PARG: variants seen among roughly 807,000 people sequenced by gnomAD.
PARG encodes mitochondrial poly(ADP-ribose) glycohydrolase.
Under a neutral mutation model 113.0 loss-of-function variants are expected in PARG, and 35 were observed. The ratio of observed to expected loss-of-function variants is 0.31; its 90% CI spans 0.24 to 0.41. The LOEUF is 0.41. Ranked by LOEUF, PARG falls within the 10% of genes least tolerant of loss-of-function variation. The pLI is 1.00. For missense variants in PARG, 797 were observed against 1,169.4 expected (o/e 0.68, Z 4.64); for synonymous variants, 330 against 409.9 (o/e 0.81, Z 2.36).
Position 49,857,472 on chromosome 10 carries a change from A to C in PARG, c.2206-19T>G. The C allele has an allele frequency of 6.2e-7, 1 of 1,606,816 alleles. No individual in the cohort carries two copies. The highest frequency in any genetic ancestry group is 1.1e-5 in the South Asian group (1 of 90,164). On this transcript the variant is annotated intron_variant, in intron 12 of 17. Coordinates refer to ENST00000616448, the MANE Select transcript of PARG (RefSeq NM_003631.5). ...AATCCACCTGTTGGGGAAATGTGAC[A>C]TATTAAATAATGGTCAAAAATACCT...
chr10:49,936,654 G>A (rs1229439681), intron 1 of PARG, among the ~76,000 whole-genome samples: 1 of 152,078 alleles, frequency 6.6e-6, no homozygotes, highest in Non-Finnish European at 1.5e-5. Context: ...ATTCGCAAAT[G>A]TTTAAGATTT....
intron 7 of PARG, among the ~76,000 whole-genome samples, chr10:49,915,224 A>G (rs1366692770): frequency 1.3e-5 from 2 of 151,686 alleles, no homozygotes; most frequent in African/African-American, 2.4e-5. Flanking sequence ...AATATTTGCA[A>G]GTCATATATC....
intron 7 of PARG, among the ~76,000 whole-genome samples, chr10:49,895,705 C>T (rs1196409689): frequency 2.0e-5 from 3 of 151,990 alleles, no homozygotes; most frequent in Non-Finnish European, 4.4e-5. Flanking sequence ...CGCGCCCGGC[C>T]GAGAACTGAT....
intron 7 of PARG, among the ~76,000 whole-genome samples, chr10:49,893,818 C>T (rs377367553): frequency 7.9e-5 from 12 of 151,964 alleles, no homozygotes; most frequent in Admixed American, 3.9e-4. Flanking sequence ...CTCAGGCTCC[C>T]GAGCAGCTGT....
intron 16 of PARG, among the ~76,000 whole-genome samples, chr10:49,828,158 G>A (rs1354362292): frequency 5.7e-5 from 7 of 121,910 alleles, no homozygotes; most frequent in Non-Finnish European, 1.2e-4. Context: ...AAGCCCAAAT[G>A]TTGTAATCTA....
chr10:49,897,100 T>TTATCCTACTTTATCCAAACAGTA (rs1156733871), intron 7 of PARG, among the ~76,000 whole-genome samples: 2 of 152,212 alleles, frequency 1.3e-5, no homozygotes, highest in African/African-American at 4.8e-5. Flanking sequence ...TCCTTTCTGT[T>TTATCCTACTTTATCCAAACAGTA]GCTTGTTTGC....
chr10:49,891,631 T>A (rs1167446893), intron 7 of PARG, among the ~76,000 whole-genome samples: 140 of 115,252 alleles, frequency 1.2e-3, no homozygotes, highest in Admixed American at 3.2e-3. Flanking sequence ...ATATTTTTTT[T>A]TTTTTTTTTT....
chr10:49,842,177 G>A, intron 14 of PARG, 119 bp from the exon 15 acceptor site: 1 of 669,608 alleles, frequency 1.5e-6, no homozygotes, highest in South Asian at 1.7e-5. Context: ...ACAAACCAGT[G>A]TCTGCAGGTC....
chr10:49,880,717 A>G (rs1489744333), intron 8 of PARG, among the ~76,000 whole-genome samples: 1 of 152,122 alleles, frequency 6.6e-6, no homozygotes, highest in Non-Finnish European at 1.5e-5. Context: ...GACACGCCTC[A>G]TTATATGCTC....
chr10:49,862,870 A>G (rs1419114611), intron 11 of PARG, among the ~76,000 whole-genome samples: 1 of 150,908 alleles, frequency 6.6e-6, no homozygotes, highest in Non-Finnish European at 1.5e-5. Context: ...TTTCCTAGCC[A>G]TTTTATTCAG....
intron 16 of PARG, among the ~76,000 whole-genome samples, chr10:49,822,707 A>G (rs1301798659): frequency 3.3e-5 from 5 of 152,130 alleles, no homozygotes; most frequent in African/African-American, 1.2e-4. Context: ...AAAATCCTCA[A>G]CTCTGCAGTG....
At chr10:49,841,420 T>G (rs1475708136) in intron 15 of PARG, among the ~76,000 whole-genome samples, 2 of 152,120 alleles carry the variant, frequency 1.3e-5, no homozygotes, top group East Asian at 3.9e-4. Context: ...TACTGAAAAT[T>G]TGAACAACAG....
In PARG at chr10:49,892,862, AC is replaced by A. The variant is rs1279468774; in HGVS notation, c.1738-7568del. On this transcript the variant is annotated intron_variant, in intron 7 of 17. Transcript: ENST00000616448. ...TTTAGGAGGCCAAGCCAAGTGGATC[AC>A]TTGAGGTCAGGAGTTCAAGACCAGC... Among the ~76,000 whole-genome samples the A allele has an allele frequency of 2.0e-5, 3 of 152,204 alleles. No individual in the cohort carries two copies. The East Asian group carries it at 5.8e-4, about 29-fold the overall frequency.
At chr10:49,920,530 GTA>G (rs1331977118) in intron 6 of PARG, among the ~76,000 whole-genome samples, 2 of 78,110 alleles carry the variant, frequency 2.6e-5, no homozygotes, top group Non-Finnish European at 5.5e-5. Context: ...GTATATACAT[GTA>G]TATATATACA....
chr10:49,927,376 A>AGG (rs1554850884), intron 4 of PARG, among the ~76,000 whole-genome samples: 1 of 41,458 alleles, frequency 2.4e-5, no homozygotes, highest in Non-Finnish European at 9.0e-5. Context: ...GAAGGAAAGA[A>AGG]AGAAAGAAAG....
At chr10:49,882,405 G>A (rs1356539708) in intron 8 of PARG, among the ~76,000 whole-genome samples, 8 of 151,316 alleles carry the variant, frequency 5.3e-5, no homozygotes, top group East Asian at 1.9e-4. Flanking sequence ...GCCACAAGAC[G>A]TATTTTGATC....
chr10:49,940,173 C>T (rs1425197145), intron 1 of PARG, among the ~76,000 whole-genome samples: 1 of 151,546 alleles, frequency 6.6e-6, no homozygotes, highest in Non-Finnish European at 1.5e-5. Context: ...TTTCATGAAT[C>T]CATCCCCTTC....
intron 13 of PARG, among the ~76,000 whole-genome samples, chr10:49,845,480 G>A (rs1845462103): frequency 6.6e-6 from 1 of 152,200 alleles, no homozygotes. Flanking sequence ...GGAACTCTCA[G>A]GCATGGGTGA....
chr10:49,933,516 T>A lies in PARG; in HGVS notation c.932A>T (p.Asn311Ile), dbSNP rs1442282901. The A allele has an allele frequency of 6.2e-7, 1 of 1,610,602 alleles. No homozygotes were observed. Among genetic ancestry groups the A allele is most frequent in the Non-Finnish European group, 8.5e-7 (1 of 1,177,092 alleles). ...ESPMDVDNSKNSCQDSEADEE... is the reference protein window; with the variant it reads ...ESPMDVDNSKISCQDSEADEE... Reference sequence around the variant, plus strand: ...ATCTGCTTCTGAGTCTTGACAACTATTTTTAGAATTATCCACATCCATCGG... The same window carrying A: ...ATCTGCTTCTGAGTCTTGACAACTAATTTTAGAATTATCCACATCCATCGG... The change falls in exon 3 of 18, where the codon AAT (asparagine) becomes ATT (isoleucine). Residue 311 changes from asparagine (N) to isoleucine (I), a missense_variant. By Grantham distance (149) the Asn-to-Ile change is moderately radical (BLOSUM62 -3). This residue lies in a region of PARG where 252 missense variants were observed against 437.4 expected (regional missense o/e 0.58). Transcript: ENST00000616448.
Sources: gnomAD v4.1 joint callset for allele counts (sites outside exome capture counted in the v4.1 genomes callset) on GRCh38, gnomAD v4.1.1 for gene constraint, gnomAD v4.1.1 regional missense constraint, MANE v1.5 for transcripts, NCBI Gene and HGNC (gene_info 2026-07-23, HGNC 2026-07-21) for gene names.